Variants in DNAJA2 observed in about 807,000 individuals in gnomAD.
The protein encoded by DNAJA2 is DnaJ heat shock protein family (Hsp40) member A2, also known as dnaJ homolog subfamily A member 2.
DNAJA2 carries 6 observed loss-of-function variants against 49.3 expected under a neutral mutation model. That is an observed-to-expected ratio of 0.12 (90% CI 0.07 to 0.24). The LOEUF is 0.24. Among genes scored for constraint, DNAJA2 ranks in the 10% least tolerant of loss-of-function variants. The probability of loss-of-function intolerance (pLI) is 1.00; values close to 1 mark genes in which losing one functional copy is unlikely to be tolerated. For synonymous variants in DNAJA2, 160 were observed against 172.7 expected, an observed-to-expected ratio of 0.93 and a Z score of 0.58; for missense variants, 347 against 516.8, an observed-to-expected ratio of 0.67 and a Z score of 3.19.
At chr16:46,972,562 C>A (rs993754050) in intron 1 of DNAJA2, 7 of 153,064 alleles carry the variant, frequency 4.6e-5, no homozygotes, top group Admixed American at 2.6e-4. Flanking sequence ...GCACTTAAAT[C>A]TTCATTCACG....
chr16:46,966,081 G>A (rs1961965684), intron 5 of DNAJA2, among the ~76,000 whole-genome samples: 1 of 152,024 alleles, frequency 6.6e-6, no homozygotes, highest in Non-Finnish European at 1.5e-5. Flanking sequence ...AAAATTAGCT[G>A]GGCGTGGTGG....
At chr16:46,971,158 C>T (rs770617508) in intron 3 of DNAJA2, among the ~76,000 whole-genome samples, 191 bp downstream of exon 3, 1 of 152,060 alleles carries the variant, frequency 6.6e-6, no homozygotes, top group Non-Finnish European at 1.5e-5. Flanking sequence ...ATCGACTGTC[C>T]TTTTAAGAGC....
At chr16:46,961,136 C>A (rs1476138136) in intron 6 of DNAJA2, among the ~76,000 whole-genome samples, 1 of 152,134 alleles carries the variant, frequency 6.6e-6, no homozygotes, top group African/African-American at 2.4e-5. Flanking sequence ...GTGGCTCATG[C>A]CTATAATCCC....
chr16:46,955,800 AAG>A lies in DNAJA2; in HGVS notation c.*1227_*1228del, dbSNP rs1186758027. On this transcript the variant is annotated 3_prime_UTR_variant, in exon 9 of 9. Transcript: ENST00000317089. ...GAAATGGTAAAAACCAGATGATGGA[AAG>A]AGAAACACAACATCCGTTTCATCAA... The A allele has an allele frequency of 2.6e-5, 4 of 152,224 alleles. No homozygotes were observed. The highest frequency in any genetic ancestry group is 4.8e-5 in the African/African-American group (2 of 41,462). 9.4% of individuals were successfully genotyped at this position (152,224 alleles called of 1,614,324 possible).
At chr16:46,967,976 C>T (rs1038414465) in intron 4 of DNAJA2, 108 bp downstream of exon 4, 1 of 1,111,022 alleles carries the variant, frequency 9.0e-7, no homozygotes, top group Non-Finnish European at 1.3e-6. Context: ...AGCCACCGCA[C>T]CCAGCCGTAA....
chr16:46,963,934 G>T (rs1262682078), intron 6 of DNAJA2, among the ~76,000 whole-genome samples: 1 of 152,264 alleles, frequency 6.6e-6, no homozygotes, highest in East Asian at 1.9e-4. Context: ...AACTGAGACA[G>T]TAAGATTACC....
chr16:46,966,120 G>A (rs994368449), intron 5 of DNAJA2, among the ~76,000 whole-genome samples: 7 of 152,112 alleles, frequency 4.6e-5, no homozygotes, highest in Non-Finnish European at 1.0e-4. Flanking sequence ...GCTAATTGTG[G>A]GGCGAGGGGC....
At chr16:46,968,713 A>G (rs548364816) in intron 3 of DNAJA2, among the ~76,000 whole-genome samples, 116 of 152,290 alleles carry the variant, frequency 7.6e-4, no homozygotes, top group Admixed American at 1.2e-3. Flanking sequence ...AAAAAAAATA[A>G]AAGTGGCCCT....
intron 6 of DNAJA2, among the ~76,000 whole-genome samples, chr16:46,962,430 T>A (rs1341703818): frequency 1.3e-5 from 2 of 152,102 alleles, no homozygotes; most frequent in Non-Finnish European, 2.9e-5. Flanking sequence ...TCACTTCCTA[T>A]CATGCTGCTG....
chr16:46,969,792 T>C (rs1962020313), intron 3 of DNAJA2, among the ~76,000 whole-genome samples: 1 of 152,182 alleles, frequency 6.6e-6, no homozygotes, highest in South Asian at 2.1e-4. Flanking sequence ...CAGGAAAATC[T>C]GAAATGTTAA....
At position 46,957,051 on chromosome 16, in the gene DNAJA2, C is replaced by G; in HGVS notation, c.1217G>C (p.Gly406Ala). Residue 406 changes from glycine (G) to alanine (A), a missense_variant, in exon 9 of 9, where the codon GGA (glycine) becomes GCA (alanine). Gly to Ala is a moderately conservative substitution (Grantham distance 60). Coordinates refer to ENST00000317089, the MANE Select transcript of DNAJA2 (RefSeq NM_005880.4). ...AGTTTACTGATGGGCACACTGCACT[C>G]CAGGTCCATGATGGCTGCTGCTTTC... ...DEESSSHHGP[G>A]VQCAHQ 1.2e-6 allele frequency: 2 copies of G among 1,614,186 alleles called. No individual in the cohort carries two copies. The highest frequency in any genetic ancestry group is 2.7e-5 in the African/African-American group (2 of 75,048).
At chr16:46,970,199 T>G (rs1962024559) in intron 3 of DNAJA2, among the ~76,000 whole-genome samples, 1 of 152,236 alleles carries the variant, frequency 6.6e-6, no homozygotes, top group Non-Finnish European at 1.5e-5. Flanking sequence ...TCCCAGATTT[T>G]GCAAAGTGAA....
At chr16:46,970,739 A>AAAAAAAAAAAAAG (rs1962033372) in intron 3 of DNAJA2, among the ~76,000 whole-genome samples, 1 of 132,108 alleles carries the variant, frequency 7.6e-6, no homozygotes, top group African/African-American at 2.8e-5. Flanking sequence ...TCAAAAAAAA[A>AAAAAAAAAAAAAG]AAAAAAAAAA....
At chr16:46,960,275 G>C (rs1410120825) in intron 6 of DNAJA2, among the ~76,000 whole-genome samples, 2 of 152,176 alleles carry the variant, frequency 1.3e-5, no homozygotes, top group Non-Finnish European at 2.9e-5. Flanking sequence ...AAACTTGTTA[G>C]GAACACATAT....
intron 6 of DNAJA2, among the ~76,000 whole-genome samples, chr16:46,961,741 A>G (rs1013740479): frequency 6.6e-6 from 1 of 152,160 alleles, no homozygotes; most frequent in African/African-American, 2.4e-5. Context: ...AAAAGTTTAA[A>G]CAGAATAAAC....
At chr16:46,960,273 T>A (rs1961876336) in intron 6 of DNAJA2, among the ~76,000 whole-genome samples, 1 of 152,210 alleles carries the variant, frequency 6.6e-6, no homozygotes, top group African/African-American at 2.4e-5. Flanking sequence ...GGAAACTTGT[T>A]AGGAACACAT....
chr16:46,971,296 C>A, intron 3 of DNAJA2, 53 bp downstream of exon 3: 1 of 1,510,516 alleles, frequency 6.6e-7, no homozygotes, highest in Non-Finnish European at 9.1e-7. Context: ...GAGTCATTAT[C>A]CCACTTGACA....
chr16:46,967,388 C>T lies in DNAJA2; in HGVS notation c.577+125G>A, dbSNP rs75031629. ...AATTATAGGAATGAGCTAACGCACC[C>T]GGCCTCCTTTTTCTTTAATAAGATG... On this transcript the variant is annotated intron_variant, in intron 5 of 8. Transcript: ENST00000317089. 7.5e-5 allele frequency: 95 copies of T among 1,265,984 alleles called. 1 individual carries two copies. The East Asian group carries it at 1.2e-3, about 15-fold the overall frequency. The allele number at this position is 1,265,984 out of a possible 1,614,324, so 78.4% of individuals were successfully genotyped here.
chr16:46,956,381 A>G lies in DNAJA2; in HGVS notation c.*648T>C, dbSNP rs1961811044. 1 of 152,302 alleles carries G rather than the reference A, an allele frequency of 6.6e-6. No individual in the cohort carries two copies. The highest frequency in any genetic ancestry group is 2.4e-5 in the African/African-American group (1 of 41,442). 9.4% of individuals were successfully genotyped at this position (152,302 alleles called of 1,614,324 possible). ...CCTTCTAAAAATGTGACACAAAAGA[A>G]TAATTTACACCAACCGCTTTTTATT... On this transcript the variant is annotated 3_prime_UTR_variant, in exon 9 of 9. Coordinates refer to ENST00000317089, the MANE Select transcript of DNAJA2 (RefSeq NM_005880.4).
Sources: gnomAD v4.1 joint callset for allele counts (sites outside exome capture counted in the v4.1 genomes callset) on GRCh38, gnomAD v4.1.1 for gene constraint, MANE v1.5 for transcripts, NCBI Gene and HGNC (gene_info 2026-07-23, HGNC 2026-07-21) for gene names.